Variants in CNIH3 observed in about 807,000 individuals in gnomAD.
CNIH3 encodes protein cornichon homolog 3.
A neutral mutation model predicts 24.1 loss-of-function variants in CNIH3; 14 were observed. The ratio of observed to expected loss-of-function variants is 0.58; its 90% CI spans 0.38 to 0.91. CNIH3 has a LOEUF of 0.91. Ranked by LOEUF, CNIH3 falls within the 40% of genes least tolerant of loss-of-function variation. The probability of loss-of-function intolerance (pLI) is 0.00; values close to 1 mark genes in which losing one functional copy is unlikely to be tolerated. For missense variants in CNIH3, 178 were observed against 196.8 expected (o/e 0.90, Z 0.57); for synonymous variants, 68 against 73.8 (o/e 0.92, Z 0.40).
intron 4 of CNIH3, among the ~76,000 whole-genome samples, chr1:224,581,474 G>T (rs1383933958): frequency 6.6e-6 from 1 of 152,088 alleles, no homozygotes; most frequent in Non-Finnish European, 1.5e-5. Flanking sequence ...TGATTAATCT[G>T]ATTGTGTGTA....
rs190836180 is a variant in CNIH3 at position 224,664,325 on chromosome 1, T to G, written c.82-16633T>G. 7.6e-4 allele frequency among the ~76,000 whole-genome samples: 116 copies of G among 152,282 alleles called. 2 individuals carry two copies. In the East Asian group the frequency reaches 0.021, roughly 28 times the overall value. ...AGTTTTAAGACCAGGGAGGGTCAATTTCCATGTGTATTCAAAAAACCATCA... is the reference window on the plus strand; with the variant it reads ...AGTTTTAAGACCAGGGAGGGTCAATGTCCATGTGTATTCAAAAAACCATCA... On this transcript the variant is annotated intron_variant, in intron 1 of 5. Coordinates refer to ENST00000272133, the MANE Select transcript of CNIH3 (RefSeq NM_152495.2).
At chr1:224,457,682 G>A (rs1675737969) in intron 1 of CNIH3, among the ~76,000 whole-genome samples, 1 of 152,048 alleles carries the variant, frequency 6.6e-6, no homozygotes, top group Non-Finnish European at 1.5e-5. Context: ...GTCGTAATTT[G>A]GGGATTACTG....
intron 1 of CNIH3, among the ~76,000 whole-genome samples, chr1:224,505,524 A>G (rs1293611992): frequency 6.6e-6 from 1 of 152,188 alleles, no homozygotes. Flanking sequence ...CATCATGCTG[A>G]AAACTTTTAC....
chr1:224,632,215 G>A (rs1370643998), intron 1 of CNIH3, among the ~76,000 whole-genome samples: 1 of 152,190 alleles, frequency 6.6e-6, no homozygotes, highest in Non-Finnish European at 1.5e-5. Flanking sequence ...TGTGCATGTG[G>A]ATGTGGATGA....
chr1:224,469,572 A>G (rs1328722749), intron 1 of CNIH3, among the ~76,000 whole-genome samples: 1 of 152,198 alleles, frequency 6.6e-6, no homozygotes, highest in African/African-American at 2.4e-5. Context: ...CAGTGGTGCA[A>G]ATCATAGCTA....
intron 1 of CNIH3, among the ~76,000 whole-genome samples, chr1:224,656,769 C>A (rs560169015): frequency 6.6e-6 from 1 of 152,084 alleles, no homozygotes; most frequent in African/African-American, 2.4e-5. Context: ...AGTGGAGAGG[C>A]GCATCTGTAG....
At chr1:224,629,350 C>T (rs1683704813) in intron 1 of CNIH3, among the ~76,000 whole-genome samples, 1 of 152,016 alleles carries the variant, frequency 6.6e-6, no homozygotes, top group Non-Finnish European at 1.5e-5. Flanking sequence ...CCTCATGTCT[C>T]CCTAAAATAT....
intron 3 of CNIH3, among the ~76,000 whole-genome samples, chr1:224,727,943 C>T (rs540043322): frequency 6.6e-6 from 1 of 152,300 alleles, no homozygotes; most frequent in African/African-American, 2.4e-5. Flanking sequence ...AGCTGGCCTG[C>T]ATTAAGCAGT....
chr1:224,474,950 C>G (rs1467493005), intron 1 of CNIH3, among the ~76,000 whole-genome samples: 1 of 150,374 alleles, frequency 6.7e-6, no homozygotes, highest in South Asian at 2.1e-4. Context: ...GAGGCTGAGG[C>G]AGGAGAATGG....
chr1:224,534,884 A>G (rs1190777404), intron 2 of CNIH3, among the ~76,000 whole-genome samples: 1 of 152,178 alleles, frequency 6.6e-6, no homozygotes, highest in Non-Finnish European at 1.5e-5. Context: ...ACCTCTTGCC[A>G]ATCCCCCAGT....
chr1:224,540,630 A>G (rs1022251930), downstream of CNIH3, among the ~76,000 whole-genome samples: 1 of 152,338 alleles, frequency 6.6e-6, no homozygotes, highest in South Asian at 2.1e-4. Flanking sequence ...TAGAAAACTC[A>G]TGCAGCCAAA....
intron 3 of CNIH3, among the ~76,000 whole-genome samples, chr1:224,685,316 A>G (rs531975602): frequency 6.6e-6 from 1 of 152,286 alleles, no homozygotes; most frequent in African/African-American, 2.4e-5. Flanking sequence ...GGGTGGGATG[A>G]GGCAGTGTTA....
intron 1 of CNIH3, among the ~76,000 whole-genome samples, chr1:224,447,848 C>T (rs551215073): frequency 1.8e-4 from 28 of 152,124 alleles, no homozygotes; most frequent in Non-Finnish European, 3.5e-4. Context: ...ATCACAAGCA[C>T]CTCCACAAGG....
At chr1:224,534,510 T>G (rs1169672069) in intron 2 of CNIH3, among the ~76,000 whole-genome samples, 1 of 152,184 alleles carries the variant, frequency 6.6e-6, no homozygotes, top group Non-Finnish European at 1.5e-5. Context: ...CTCGATTCTA[T>G]AAAAAATGAC....
At chr1:224,544,318 T>A (rs566229754) in intron 2 of CNIH3, among the ~76,000 whole-genome samples, 238 of 152,334 alleles carry the variant, frequency 1.6e-3, no homozygotes, top group African/African-American at 5.1e-3. Flanking sequence ...TCAGCAGTGA[T>A]AATTTAACTA....
At chr1:224,670,172 T>G (rs1006447788) in intron 1 of CNIH3, among the ~76,000 whole-genome samples, 9 of 152,176 alleles carry the variant, frequency 5.9e-5, no homozygotes, top group African/African-American at 2.2e-4. Context: ...TCCAGGACTC[T>G]TCACTCTAAA....
chr1:224,467,495 C>A (rs934726212), intron 1 of CNIH3, among the ~76,000 whole-genome samples: 1 of 152,208 alleles, frequency 6.6e-6, no homozygotes, highest in Non-Finnish European at 1.5e-5. Context: ...GCGATCTCAG[C>A]TCACTGCAAC....
At chr1:224,493,801 G>A (rs1677328083) in intron 1 of CNIH3, among the ~76,000 whole-genome samples, 1 of 152,080 alleles carries the variant, frequency 6.6e-6, no homozygotes, top group Non-Finnish European at 1.5e-5. Flanking sequence ...AGGGGAGAGA[G>A]TGCGATTCCT....
Position 224,703,561 on chromosome 1 carries a change from G to A in CNIH3, c.198+18718G>A, listed in dbSNP as rs1447963340. Among the ~76,000 whole-genome samples, 1 of 152,150 alleles carries A rather than the reference G, an allele frequency of 6.6e-6. No individual in the cohort carries two copies. The highest frequency in any genetic ancestry group is 1.5e-5 in the Non-Finnish European group (1 of 68,022). On this transcript the variant is annotated intron_variant, in intron 3 of 5. Transcript: ENST00000272133. This position sits in a 1 kb window ranked among gnomAD's most constrained non-coding sequence, Gnocchi z 4.2. ...TGTTAGTTATCATGGTTAGGGCGCT[G>A]AGTTTCATCAGCCTGGCTGTGCTGA...
Sources: gnomAD v4.1 joint callset for allele counts (sites outside exome capture counted in the v4.1 genomes callset) on GRCh38, gnomAD v4.1.1 for gene constraint, Gnocchi (gnomAD v3.1) non-coding constraint, MANE v1.5 for transcripts, NCBI Gene and HGNC (gene_info 2026-07-23, HGNC 2026-07-21) for gene names.